The following FMN1 variants were observed in gnomAD, a reference collection of about 807,000 sequenced individuals.
FMN1 encodes formin 1, also known as formin-1.
FMN1 carries 110 observed loss-of-function variants against 132.4 expected under a neutral mutation model. The observed-to-expected ratio is 0.83, with a 90% CI of 0.71 to 0.97. The LOEUF is 0.97. Ranked by LOEUF, FMN1 falls within the 50% of genes least tolerant of loss-of-function variation. The pLI is 0.00. For synonymous variants in FMN1, 722 were observed against 651.7 expected (o/e 1.11, Z -1.64); for missense variants, 1,792 against 1,705.3 (o/e 1.05, Z -0.90).
chr15:33,135,598 G>A (rs1264899209), intron 4 of FMN1, among the ~76,000 whole-genome samples: 1 of 152,152 alleles, frequency 6.6e-6, no homozygotes, highest in Non-Finnish European at 1.5e-5. Flanking sequence ...GGAACAAGGA[G>A]GCCTCGTGCC....
At chr15:33,151,768 A>C (rs2140277857) in intron 4 of FMN1, among the ~76,000 whole-genome samples, 1 of 151,846 alleles carries the variant, frequency 6.6e-6, no homozygotes, top group South Asian at 2.1e-4. Context: ...AGGAGAAAGA[A>C]TTTTCATCAC....
chr15:32,928,913 G>A (rs1045392296), intron 9 of FMN1, among the ~76,000 whole-genome samples: 1 of 152,182 alleles, frequency 6.6e-6, no homozygotes, highest in Admixed American at 6.5e-5. Flanking sequence ...GAGAAATCAC[G>A]AGAGAGTAAA....
intron 17 of FMN1, among the ~76,000 whole-genome samples, chr15:32,824,271 G>A (rs1046592325): frequency 1.3e-5 from 2 of 152,210 alleles, no homozygotes; most frequent in Admixed American, 1.3e-4. Context: ...CTGGGCTGGA[G>A]CGTGGAGCCC....
chr15:33,165,309 C>T (rs765234208), intron 3 of FMN1, among the ~76,000 whole-genome samples: 1 of 152,236 alleles, frequency 6.6e-6, no homozygotes, highest in Non-Finnish European at 1.5e-5. Context: ...GCATATGTTA[C>T]ATCAAATTTG....
At chr15:33,078,644 C>CAA (rs5811729) in intron 5 of FMN1, among the ~76,000 whole-genome samples, 1,905 of 133,356 alleles carry the variant, frequency 0.014, 32 homozygotes, top group African/African-American at 0.048. Flanking sequence ...CAAAAGGCAA[C>CAA]AAAAAAAAAA....
chr15:32,967,062 C>A (rs1197772025), intron 8 of FMN1, among the ~76,000 whole-genome samples: 1 of 152,232 alleles, frequency 6.6e-6, no homozygotes, highest in Non-Finnish European at 1.5e-5. Context: ...CCAAGCAGGG[C>A]TCTCTTGATG....
chr15:33,057,776 GA>G (rs1566874696), intron 6 of FMN1, among the ~76,000 whole-genome samples: 1 of 152,010 alleles, frequency 6.6e-6, no homozygotes, highest in Non-Finnish European at 1.5e-5. Flanking sequence ...AAGTGCTTCC[GA>G]GTTTACCTAT....
intron 4 of FMN1, among the ~76,000 whole-genome samples, chr15:33,118,145 A>G (rs2039999081): frequency 6.6e-6 from 1 of 152,244 alleles, no homozygotes; most frequent in African/African-American, 2.4e-5. Flanking sequence ...AATACACCAC[A>G]AAATGTAGTT....
At chr15:32,922,587 A>G (rs1235476259) in intron 10 of FMN1, among the ~76,000 whole-genome samples, 1 of 152,148 alleles carries the variant, frequency 6.6e-6, no homozygotes, top group African/African-American at 2.4e-5. Context: ...GAAGAAGAGA[A>G]GATTGCTCTT....
At chr15:33,089,203 T>C (rs2038816160) in intron 4 of FMN1, among the ~76,000 whole-genome samples, 2 of 152,214 alleles carry the variant, frequency 1.3e-5, no homozygotes, top group East Asian at 3.8e-4. Context: ...GTCTATTGGC[T>C]GTACTCTATG....
At chr15:33,124,032 G>C (rs1962817325) in intron 4 of FMN1, among the ~76,000 whole-genome samples, 2 of 152,138 alleles carry the variant, frequency 1.3e-5, no homozygotes, top group Admixed American at 1.3e-4. Flanking sequence ...AAAGGACTGG[G>C]GAACTACTCT....
At chr15:32,926,297 C>G (rs1343554648) in intron 9 of FMN1, 36 bp from the exon 10 acceptor site, 1 of 1,192,814 alleles carries the variant, frequency 8.4e-7, no homozygotes, top group Non-Finnish European at 1.2e-6. Flanking sequence ...AATACAAGCT[C>G]AAATGACCAT....
At chr15:32,984,426 T>C (rs1316086695) in intron 7 of FMN1, among the ~76,000 whole-genome samples, 1 of 152,178 alleles carries the variant, frequency 6.6e-6, no homozygotes, top group Admixed American at 6.6e-5. Context: ...TCCATCAATA[T>C]AGTAAGCTGC....
intron 4 of FMN1, among the ~76,000 whole-genome samples, chr15:33,141,672 C>T (rs1259862183): frequency 3.9e-5 from 6 of 152,266 alleles, no homozygotes; most frequent in Middle Eastern, 3.4e-3. Context: ...GCTGAGCTTC[C>T]GTACTCTCAC....
chr15:32,993,912 T>TG (rs61553799), intron 7 of FMN1, among the ~76,000 whole-genome samples: 14,787 of 86,948 alleles, frequency 0.17, 1,954 homozygotes, highest in African/African-American at 0.42. Context: ...GGGGGCGGGG[T>TG]GGGGGGGGTC....
intron 6 of FMN1, among the ~76,000 whole-genome samples, chr15:33,016,249 C>T (rs1050448525): frequency 6.6e-6 from 1 of 152,160 alleles, no homozygotes; most frequent in African/African-American, 2.4e-5. Context: ...ACAAACTCAT[C>T]CGTGAGTGAA....
chr15:33,192,288 G>A (rs1417455668), intron 2 of FMN1, among the ~76,000 whole-genome samples: 1 of 152,174 alleles, frequency 6.6e-6, no homozygotes, highest in Non-Finnish European at 1.5e-5. Context: ...GTTCCAGTCT[G>A]TCCCCATTCC....
intron 2 of FMN1, among the ~76,000 whole-genome samples, chr15:33,183,563 T>C (rs1965776999): frequency 6.6e-6 from 1 of 152,220 alleles, no homozygotes; most frequent in African/African-American, 2.4e-5. Flanking sequence ...TTCAGTGAAT[T>C]AGTAATAATG....
chr15:33,012,897 T>C (rs2034811532), intron 6 of FMN1: 2 of 567,512 alleles, frequency 3.5e-6, no homozygotes, highest in Admixed American at 2.0e-5. Flanking sequence ...GAAGCTACAA[T>C]GATTTTGGCA....
Sources: allele counts gnomAD v4.1 joint callset (sites outside exome capture counted in the v4.1 genomes callset), GRCh38; gene constraint gnomAD v4.1.1; transcripts MANE v1.5; gene names NCBI Gene and HGNC (gene_info 2026-07-23, HGNC 2026-07-21).